ADAM10: variants seen among roughly 807,000 people sequenced by gnomAD.
ADAM10 encodes the protein ADAM metallopeptidase domain 10, also known as disintegrin and metalloproteinase domain-containing protein 10.
A neutral mutation model predicts 90.1 loss-of-function variants in ADAM10; 17 were observed. That is an observed-to-expected ratio of 0.19 (90% CI 0.13 to 0.28). The LOEUF (loss-of-function observed/expected upper bound fraction) is 0.28. Among genes scored for constraint, ADAM10 ranks in the 10% least tolerant of loss-of-function variants. The pLI, the probability that ADAM10 is intolerant of heterozygous loss-of-function variation, is 1.00. For synonymous variants in ADAM10, 310 were observed against 298.6 expected (o/e 1.04, Z -0.40); for missense variants, 610 against 914.3 (o/e 0.67, Z 4.29).
At chr15:58,733,626 A>G (rs1408551963) in intron 1 of ADAM10, among the ~76,000 whole-genome samples, 1 of 152,182 alleles carries the variant, frequency 6.6e-6, no homozygotes, top group Non-Finnish European at 1.5e-5. Flanking sequence ...CATGGAACCA[A>G]TCCCCATAGA....
intron 14 of ADAM10, chr15:58,609,443 T>A (rs1196638477): frequency 1.3e-5 from 2 of 151,878 alleles, no homozygotes; most frequent in Admixed American, 6.6e-5. Context: ...ATTAGAAGAG[T>A]ACAAAAAAGG....
intron 2 of ADAM10, among the ~76,000 whole-genome samples, chr15:58,696,308 A>G (rs1567000058): frequency 6.6e-6 from 1 of 151,326 alleles, no homozygotes; most frequent in Admixed American, 6.6e-5. Context: ...ACAAAAAAAA[A>G]CATTGTATGC....
Position 58,634,819 on chromosome 15 carries a change from A to T in ADAM10, c.1013-1460T>A, listed in dbSNP as rs74018921. Among the ~76,000 whole-genome samples the T allele has an allele frequency of 6.1e-3, 925 of 152,214 alleles. 7 individuals are homozygous for T. The highest frequency in any genetic ancestry group is 0.021 in the African/African-American group (852 of 41,538). On this transcript the variant is annotated intron_variant, in intron 8 of 15. Transcript: ENST00000260408. Reference sequence around the variant, plus strand: ...TTACAACAAAGTTACTAAACCATTTAAAAAAAGTCTAATATTGCTTCTCCT... The same window carrying T: ...TTACAACAAAGTTACTAAACCATTTTAAAAAAGTCTAATATTGCTTCTCCT...
chr15:58,715,477 C>T (rs1372415445), intron 2 of ADAM10, among the ~76,000 whole-genome samples: 1 of 151,672 alleles, frequency 6.6e-6, no homozygotes, highest in African/African-American at 2.4e-5. Context: ...CATGAGATTT[C>T]CTGGTTTCAG....
intron 4 of ADAM10, among the ~76,000 whole-genome samples, chr15:58,668,424 A>G (rs1289411525): frequency 2.6e-5 from 4 of 152,160 alleles, no homozygotes; most frequent in African/African-American, 9.7e-5. Flanking sequence ...GACTAGGCCA[A>G]AGAACATGCG....
intron 5 of ADAM10, among the ~76,000 whole-genome samples, chr15:58,659,602 C>G (rs1005155015): frequency 1.3e-5 from 2 of 151,816 alleles, no homozygotes; most frequent in Admixed American, 6.6e-5. Context: ...CTGGATTTCA[C>G]TTGCTAATAT....
intron 5 of ADAM10, among the ~76,000 whole-genome samples, chr15:58,647,499 C>T (rs1187556444): frequency 2.0e-5 from 3 of 151,456 alleles, no homozygotes; most frequent in Admixed American, 1.3e-4. Context: ...CTCCTGACCT[C>T]GTGATCCGCC....
At chr15:58,710,115 T>C (rs1898428360) in intron 2 of ADAM10, among the ~76,000 whole-genome samples, 1 of 151,936 alleles carries the variant, frequency 6.6e-6, no homozygotes, top group South Asian at 2.1e-4. Context: ...CCATCTCTAC[T>C]AAAAATACAA....
At chr15:58,663,825 C>T (rs1276788049) in intron 5 of ADAM10, among the ~76,000 whole-genome samples, 2 of 151,798 alleles carry the variant, frequency 1.3e-5, no homozygotes, top group Non-Finnish European at 2.9e-5. Context: ...TAACAATGTC[C>T]ACCCTTTCAT....
chr15:58,666,963 G>C (rs1596046544), intron 4 of ADAM10, among the ~76,000 whole-genome samples: 1 of 151,962 alleles, frequency 6.6e-6, no homozygotes, highest in Non-Finnish European at 1.5e-5. Flanking sequence ...GTTTTCCTTG[G>C]ACACCACATT....
intron 1 of ADAM10, among the ~76,000 whole-genome samples, chr15:58,722,169 C>T (rs749708646): frequency 3.3e-5 from 5 of 151,858 alleles, no homozygotes; most frequent in Non-Finnish European, 7.4e-5. Flanking sequence ...GTGAAACCCC[C>T]GTCTCCACTA....
At chr15:58,659,771 C>A (rs1328143204) in intron 5 of ADAM10, among the ~76,000 whole-genome samples, 1 of 152,086 alleles carries the variant, frequency 6.6e-6, no homozygotes, top group African/African-American at 2.4e-5. Flanking sequence ...CTCTGTCGCC[C>A]AGGCTGGAGT....
At chr15:58,609,938 C>A in intron 14 of ADAM10, 1 of 264,596 alleles carries the variant, frequency 3.8e-6, no homozygotes, top group Non-Finnish European at 7.3e-6. Context: ...CCAATTAGTC[C>A]ACGATTTGGG....
At chr15:58,603,216 G>GT (rs1290849042) in intron 14 of ADAM10, among the ~76,000 whole-genome samples, 5 of 152,070 alleles carry the variant, frequency 3.3e-5, no homozygotes, top group Admixed American at 6.5e-5. Flanking sequence ...GACTCCTATT[G>GT]TTTTTTGTTT....
chr15:58,690,523 A>T (rs2140770326), intron 2 of ADAM10, among the ~76,000 whole-genome samples: 1 of 152,338 alleles, frequency 6.6e-6, no homozygotes, highest in Admixed American at 6.5e-5. Flanking sequence ...ATAAACAACA[A>T]CAAAAAAACA....
chr15:58,662,372 G>A (rs535813307), intron 5 of ADAM10, among the ~76,000 whole-genome samples: 1 of 152,230 alleles, frequency 6.6e-6, no homozygotes, highest in Admixed American at 6.5e-5. Flanking sequence ...TCGCGCTGCT[G>A]CCCGGGCTGG....
chr15:58,725,583 C>G (rs1295717223), intron 1 of ADAM10, among the ~76,000 whole-genome samples: 2 of 151,162 alleles, frequency 1.3e-5, no homozygotes, highest in East Asian at 3.9e-4. Flanking sequence ...ACAAAAACCA[C>G]ATAAAGGCAT....
Position 58,727,205 on chromosome 15 carries a change from T to C in ADAM10, c.56-9478A>G, listed in dbSNP as rs1480386836. ...TTTTTTTTTTTTTTTTTTTTTTTTT[T>C]CCCAAAAACAGCGTTTCGCTCGTTG... On this transcript the variant is annotated intron_variant, in intron 1 of 15. Coordinates refer to ENST00000260408, the MANE Select transcript of ADAM10 (RefSeq NM_001110.4). Among the ~76,000 whole-genome samples, 150 of 89,138 alleles carry C rather than the reference T, an allele frequency of 1.7e-3. 8 individuals are homozygous for C. The highest frequency in any genetic ancestry group is 6.3e-3 in the African/African-American group (88 of 13,958). 58.5% of individuals were successfully genotyped at this position (89,138 alleles called of 152,430 possible).
intron 2 of ADAM10, chr15:58,698,441 T>C (rs1324383424): frequency 3.2e-6 from 1 of 315,376 alleles, no homozygotes; most frequent in Non-Finnish European, 6.0e-6. Flanking sequence ...CCCAGCATAT[T>C]GGCGTGAACC....
Sources: allele counts gnomAD v4.1 joint callset (sites outside exome capture counted in the v4.1 genomes callset), GRCh38; gene constraint gnomAD v4.1.1; transcripts MANE v1.5; gene names NCBI Gene and HGNC (gene_info 2026-07-23, HGNC 2026-07-21).